The following SLC9A2 variants were observed in gnomAD, a reference collection of about 807,000 sequenced individuals.
SLC9A2 encodes sodium/hydrogen exchanger 2.
In SLC9A2, 42 loss-of-function variants were observed where a neutral mutation model predicts 71.7. The ratio of observed to expected loss-of-function variants is 0.59; its 90% CI spans 0.46 to 0.76. SLC9A2 has a LOEUF of 0.76. Ranked by LOEUF, SLC9A2 falls within the 30% of genes least tolerant of loss-of-function variation. The probability of loss-of-function intolerance (pLI) is 0.00; values close to 1 mark genes in which losing one functional copy is unlikely to be tolerated. For synonymous variants in SLC9A2, 396 were observed against 392.5 expected (o/e 1.01, Z -0.10); for missense variants, 829 against 1,017.4 (o/e 0.81, Z 2.52).
intron 11 of SLC9A2, among the ~76,000 whole-genome samples, chr2:102,707,886 C>A (rs55842730): frequency 0.13 from 20,155 of 152,158 alleles, 1,671 homozygotes; most frequent in East Asian, 0.19. Flanking sequence ...CAGTGCCTGG[C>A]ACACAGTAAG....
At chr2:102,626,113 A>G (rs923059619) in intron 1 of SLC9A2, among the ~76,000 whole-genome samples, 1 of 152,218 alleles carries the variant, frequency 6.6e-6, no homozygotes, top group African/African-American at 2.4e-5. Context: ...CACATTGCCA[A>G]GTCAATCCTA....
chr2:102,682,253 G>A (rs1677467347), intron 3 of SLC9A2, among the ~76,000 whole-genome samples: 1 of 152,184 alleles, frequency 6.6e-6, no homozygotes, highest in African/African-American at 2.4e-5. Flanking sequence ...CTGTCACCAA[G>A]CTCATCCTAA....
Position 102,704,646 on chromosome 2 carries a change from A to T in SLC9A2, c.1948A>T (p.Lys650Ter). 6.2e-7 allele frequency: 1 copy of T among 1,613,122 alleles called. No individual in the cohort carries two copies. The highest frequency in any genetic ancestry group is 8.5e-7 in the Non-Finnish European group (1 of 1,179,342). Reference sequence around the variant, plus strand: ...ACACAGTTTGCGAGAAAGCATTAGGAAGGACAGCAGCTTGAATCGAGAACA... The same window carrying T: ...ACACAGTTTGCGAGAAAGCATTAGGTAGGACAGCAGCTTGAATCGAGAACA... ...RRHSLRESIR[K>*]DSSLNREHRA... is the part of the protein sequence containing the mutation. The change falls in exon 10 of 12, where the codon AAG becomes TAG. Residue 650 changes from lysine to a stop codon, truncating the protein, a stop_gained. Transcript: ENST00000233969. LOFTEE classifies it high-confidence loss of function.
At chr2:102,639,263 T>A (rs1010905908) in intron 1 of SLC9A2, among the ~76,000 whole-genome samples, 17 of 152,386 alleles carry the variant, frequency 1.1e-4, no homozygotes, top group African/African-American at 3.4e-4. Flanking sequence ...TAATAGGCTA[T>A]CATTCACTCA....
At chr2:102,678,038 C>T (rs1677374920) in intron 3 of SLC9A2, among the ~76,000 whole-genome samples, 1 of 152,168 alleles carries the variant, frequency 6.6e-6, no homozygotes, top group Non-Finnish European at 1.5e-5. Context: ...GTGAGCTTAT[C>T]CATGAAGGTG....
intron 1 of SLC9A2, among the ~76,000 whole-genome samples, chr2:102,647,522 A>G (rs1050253815): frequency 6.6e-6 from 1 of 152,200 alleles, no homozygotes; most frequent in African/African-American, 2.4e-5. Context: ...AGATAGGGAC[A>G]CCAAAAACCC....
intron 1 of SLC9A2, among the ~76,000 whole-genome samples, chr2:102,632,139 T>TATATATAC (rs1209465802): frequency 7.0e-5 from 4 of 56,946 alleles, no homozygotes; most frequent in African/African-American, 2.5e-4. Context: ...CATATATATG[T>TATATATAC]ATATATACAT....
intron 1 of SLC9A2, among the ~76,000 whole-genome samples, chr2:102,620,909 G>A (rs1033199302): frequency 2.0e-5 from 3 of 152,074 alleles, no homozygotes; most frequent in East Asian, 1.9e-4. Context: ...GGTGATTCAC[G>A]CCTGTAATCC....
At chr2:102,652,747 C>A (rs551668355) in intron 1 of SLC9A2, among the ~76,000 whole-genome samples, 1 of 152,174 alleles carries the variant, frequency 6.6e-6, no homozygotes, top group Non-Finnish European at 1.5e-5. Context: ...CGTGGACAGC[C>A]TTGTAAAAGC....
At chr2:102,697,974 A>G (rs1484634861) in intron 7 of SLC9A2, among the ~76,000 whole-genome samples, 2 of 152,038 alleles carry the variant, frequency 1.3e-5, no homozygotes, top group Non-Finnish European at 2.9e-5. Context: ...TAGAATGCCT[A>G]TGTGTAGCTT....
chr2:102,625,461 A>ACCCCCCC (rs1676228039), intron 1 of SLC9A2, among the ~76,000 whole-genome samples: 1 of 137,626 alleles, frequency 7.3e-6, no homozygotes, highest in African/African-American at 2.8e-5. Flanking sequence ...CTAATGCTAT[A>ACCCCCCC]CCTCCCCCCT....
chr2:102,664,988 G>A, intron 2 of SLC9A2, 112 bp from the exon 3 acceptor site: 2 of 1,106,270 alleles, frequency 1.8e-6, no homozygotes, highest in East Asian at 2.4e-5. Context: ...TTCCTACTTG[G>A]GTACACAGAA....
intron 5 of SLC9A2, among the ~76,000 whole-genome samples, chr2:102,690,168 C>T (rs376585510): frequency 1.1e-4 from 16 of 151,976 alleles, no homozygotes; most frequent in Admixed American, 3.9e-4. Context: ...CCCAGGAGGC[C>T]GGAAAGGGTG....
chr2:102,708,878 G>A lies in SLC9A2; in HGVS notation c.*389G>A, dbSNP rs1678041626. On this transcript the variant is annotated 3_prime_UTR_variant, in exon 12 of 12. Transcript: ENST00000233969. ...GAAAAAATATGTATATCTGTAATCA[G>A]TTGTTAAGTGAATGGCACTAAAAGT... The A allele has an allele frequency of 5.4e-6, 1 of 186,158 alleles. No individual in the cohort carries two copies. Among genetic ancestry groups the A allele is most frequent in the East Asian group, 1.5e-4 (1 of 6,560 alleles). 11.5% of individuals were successfully genotyped at this position (186,158 alleles called of 1,614,324 possible).
chr2:102,620,281 T>C (rs1300941864), intron 1 of SLC9A2, 144 bp downstream of exon 1: 3 of 673,650 alleles, frequency 4.5e-6, no homozygotes, highest in Non-Finnish European at 7.1e-6. Context: ...CAGCTTCTTC[T>C]GGTTGAAAAG....
intron 1 of SLC9A2, among the ~76,000 whole-genome samples, chr2:102,643,299 AG>A (rs1157981315): frequency 6.6e-6 from 1 of 152,098 alleles, no homozygotes; most frequent in Non-Finnish European, 1.5e-5. Context: ...CCAATAGAAA[AG>A]CCAGGGTGTT....
At chr2:102,678,971 T>G (rs761453730) in intron 3 of SLC9A2, among the ~76,000 whole-genome samples, 1 of 152,180 alleles carries the variant, frequency 6.6e-6, no homozygotes, top group Non-Finnish European at 1.5e-5. Context: ...TGGTTTGACT[T>G]CAGGTCAGAG....
chr2:102,676,716 T>C (rs1236890967), intron 3 of SLC9A2, among the ~76,000 whole-genome samples: 1 of 152,250 alleles, frequency 6.6e-6, no homozygotes, highest in Non-Finnish European at 1.5e-5. Flanking sequence ...CCTGGAATAA[T>C]TTAATTTACT....
In SLC9A2 at chr2:102,704,394, GTTAAT is replaced by G. The variant is rs550842985; in HGVS notation, c.1846-142_1846-138del. ...TCTGAAGACTGTTAACTTTTATACT[GTTAAT>G]TTAATTTTTTGCTCTGCACAGAAGT... is the stretch of plus-strand genomic sequence containing the variant. On this transcript the variant is annotated intron_variant, in intron 9 of 11. Transcript: ENST00000233969. 35 of 540,942 alleles carry G rather than the reference GTTAAT, an allele frequency of 6.5e-5. No individual in the cohort carries two copies. In the East Asian group the frequency reaches 8.9e-4, roughly 14 times the overall value. The allele number at this position is 540,942 out of a possible 1,614,324, so 33.5% of individuals were successfully genotyped here. A position where few individuals can be genotyped will look rare whatever the true frequency, so the allele number is the denominator to read the frequency against.
Sources: gnomAD v4.1 joint callset for allele counts (sites outside exome capture counted in the v4.1 genomes callset) on GRCh38, gnomAD v4.1.1 for gene constraint, MANE v1.5 for transcripts, NCBI Gene and HGNC (gene_info 2026-07-23, HGNC 2026-07-21) for gene names.